Variants in PPP1R3B observed in about 807,000 individuals in gnomAD.
The protein encoded by PPP1R3B is PP1 subunit R4.
Under a neutral mutation model 14.6 loss-of-function variants are expected in PPP1R3B, and 8 were observed. The observed-to-expected ratio is 0.55, with a 90% CI of 0.32 to 0.99. The LOEUF is 0.99. Among genes scored for constraint, PPP1R3B ranks in the 50% least tolerant of loss-of-function variants. The probability of loss-of-function intolerance (pLI) is 0.04; values close to 1 mark genes in which losing one functional copy is unlikely to be tolerated. For synonymous variants in PPP1R3B, 169 were observed against 142.0 expected (o/e 1.19, Z -1.35); for missense variants, 452 against 360.1 (o/e 1.26, Z -2.07).
In PPP1R3B at chr8:9,137,009, T is replaced by C. The variant is rs1800910908; in HGVS notation, c.*3785A>G. 1.3e-5 allele frequency: 2 copies of C among 152,128 alleles called. No homozygotes were observed. The highest frequency in any genetic ancestry group is 4.1e-4 in the South Asian group (2 of 4,830). 9.4% of individuals were successfully genotyped at this position (152,128 alleles called of 1,614,324 possible). On this transcript the variant is annotated 3_prime_UTR_variant, in exon 2 of 2. Coordinates refer to ENST00000310455, the MANE Select transcript of PPP1R3B (RefSeq NM_024607.4). ...TGAAAAGATCAAAACCACAGAGCAA[T>C]CTCCTAACAGTTCCAAATTTACATC...
rs1321590169 is a variant in PPP1R3B at position 9,136,263 on chromosome 8, T to G, written c.*4531A>C. 3 of 152,264 alleles carry G rather than the reference T, an allele frequency of 2.0e-5. No individual in the cohort carries two copies. Among genetic ancestry groups the G allele is most frequent in the Non-Finnish European group, 4.4e-5 (3 of 68,044 alleles). 9.4% of individuals were successfully genotyped at this position (152,264 alleles called of 1,614,324 possible). On this transcript the variant is annotated 3_prime_UTR_variant, in exon 2 of 2. Coordinates refer to ENST00000310455, the MANE Select transcript of PPP1R3B (RefSeq NM_024607.4). Reference sequence around the variant, plus strand: ...TAGAAGGACACTTTCAGTTTTGTTTTGTCTTCCTTTATTACATTTTTGCTT... The same window carrying G: ...TAGAAGGACACTTTCAGTTTTGTTTGGTCTTCCTTTATTACATTTTTGCTT...
rs1482514765 is a variant in PPP1R3B, at chr8:9,141,555, G to T, written c.97C>A (p.Pro33Thr). 3 of 1,614,044 alleles carry T rather than the reference G, an allele frequency of 1.9e-6. No individual in the cohort carries two copies. In the Admixed American group the frequency reaches 5.0e-5, roughly 27 times the overall value. Residue 33 changes from proline to threonine, a missense_variant, in exon 2 of 2, where the codon CCA becomes ACA. Physicochemically the swap from Pro to Thr is conservative, Grantham distance 38. Transcript: ENST00000310455. ...CTCAGCTGAATACAAGGCCTCAGTGGTTTGCTGGGCTTTGGTGAGATCTTA... is the reference window on the plus strand; with the variant it reads ...CTCAGCTGAATACAAGGCCTCAGTGTTTTGCTGGGCTTTGGTGAGATCTTA... ...AFKISPKPSKPLRPCIQLSSK... is the reference protein window; with the variant it reads ...AFKISPKPSKTLRPCIQLSSK...
chr8:9,151,275 G>A (rs1222155616), upstream of PPP1R3B: 4 of 153,126 alleles, frequency 2.6e-5, no homozygotes, highest in Admixed American at 2.6e-4. Context: ...ACCCAAAGAG[G>A]TCCCCGCTGC....
At chr8:9,141,723 A>G in intron 1 of PPP1R3B, 55 bp from the exon 2 acceptor site, 1 of 1,517,072 alleles carries the variant, frequency 6.6e-7, no homozygotes, top group Non-Finnish European at 8.9e-7. Context: ...ATCAGATCAG[A>G]CAGATGTGTA....
At chr8:9,148,072 A>G (rs1428321354) in intron 1 of PPP1R3B, among the ~76,000 whole-genome samples, 1 of 152,172 alleles carries the variant, frequency 6.6e-6, no homozygotes, top group Admixed American at 6.5e-5. Flanking sequence ...TCATTCTCCA[A>G]GAATCAGCAC....
intron 1 of PPP1R3B, among the ~76,000 whole-genome samples, chr8:9,147,501 C>T (rs1277219303): frequency 2.6e-5 from 4 of 152,040 alleles, no homozygotes; most frequent in East Asian, 1.9e-4. Flanking sequence ...CAGCCTCCTA[C>T]GTGCTTTTTC....
At chr8:9,142,389 C>A (rs1346451735) in intron 1 of PPP1R3B, 1 of 152,200 alleles carries the variant, frequency 6.6e-6, no homozygotes, top group Admixed American at 6.5e-5. Flanking sequence ...AGCCTCTCTG[C>A]CTCTCTTTAT....
Position 9,140,663 on chromosome 8 carries a change from C to A in PPP1R3B, c.*131G>T. The A allele has an allele frequency of 1.1e-6, 1 of 878,228 alleles. No homozygotes were observed. Among genetic ancestry groups the A allele is most frequent in the Non-Finnish European group, 1.7e-6 (1 of 582,160 alleles). 54.4% of individuals were successfully genotyped at this position (878,228 alleles called of 1,614,324 possible). On this transcript the variant is annotated 3_prime_UTR_variant, in exon 2 of 2. Coordinates refer to ENST00000310455, the MANE Select transcript of PPP1R3B (RefSeq NM_024607.4). ...TGTTTAAGAAAGAAGTGAAGAGGAT[C>A]CTTTTATTTTCCCAAACGGGGCCTC...
At chr8:9,143,728 CCAG>C (rs1801157092) in intron 1 of PPP1R3B, among the ~76,000 whole-genome samples, 1 of 151,998 alleles carries the variant, frequency 6.6e-6, no homozygotes, top group Non-Finnish European at 1.5e-5. Flanking sequence ...ATAAAAACAA[CCAG>C]CAATTTCGTA....
chr8:9,146,836 G>A (rs986707458), intron 1 of PPP1R3B, among the ~76,000 whole-genome samples: 5 of 151,954 alleles, frequency 3.3e-5, no homozygotes, highest in Non-Finnish European at 5.9e-5. Flanking sequence ...AGGTTCCACG[G>A]ATTGACTAAC....
At chr8:9,150,752 C>A (rs1801401410), upstream of PPP1R3B, 1 of 152,396 alleles carries the variant, frequency 6.6e-6, no homozygotes, top group South Asian at 2.1e-4. Context: ...CCGGGCGGGG[C>A]CGGCAAAGGG....
chr8:9,144,193 T>C (rs572662331), intron 1 of PPP1R3B, among the ~76,000 whole-genome samples: 7 of 150,966 alleles, frequency 4.6e-5, no homozygotes, highest in African/African-American at 1.7e-4. Context: ...TTCTTTTTTT[T>C]TTTTTTTTGT....
upstream of PPP1R3B, chr8:9,150,690 A>C (rs1456739999): frequency 1.3e-5 from 2 of 152,354 alleles, no homozygotes; most frequent in African/African-American, 4.8e-5. Flanking sequence ...GGGTTCCCGG[A>C]GATGTCGGCG....
chr8:9,142,693 A>T (rs1801125502), intron 1 of PPP1R3B, among the ~76,000 whole-genome samples: 1 of 152,076 alleles, frequency 6.6e-6, no homozygotes, highest in Non-Finnish European at 1.5e-5. Flanking sequence ...ACTTTCTGGT[A>T]GCCACCCCTG....
chr8:9,145,733 T>G (rs1399926656), intron 1 of PPP1R3B, among the ~76,000 whole-genome samples: 1 of 152,178 alleles, frequency 6.6e-6, no homozygotes, highest in East Asian at 1.9e-4. Context: ...TTTCAGGAAT[T>G]TCTGGTATCC....
chr8:9,148,960 G>T (rs1227955158), intron 1 of PPP1R3B, among the ~76,000 whole-genome samples: 2 of 151,844 alleles, frequency 1.3e-5, no homozygotes, highest in Non-Finnish European at 2.9e-5. Context: ...GGCCGAGGCG[G>T]GCGGATCACG....
chr8:9,143,048 A>G (rs966702599), intron 1 of PPP1R3B, among the ~76,000 whole-genome samples: 14 of 152,166 alleles, frequency 9.2e-5, no homozygotes, highest in African/African-American at 2.9e-4. Flanking sequence ...CGGGTCATAT[A>G]GTAGTTCTAG....
chr8:9,137,954 A>G lies in PPP1R3B; in HGVS notation c.*2840T>C, dbSNP rs1199796015. On this transcript the variant is annotated 3_prime_UTR_variant, in exon 2 of 2. Transcript: ENST00000310455. ...AAGAGATAGTTATCACTGAATTACC[A>G]TATTTCAAATTTTGACATGGGAATG... The G allele has an allele frequency of 6.6e-6, 1 of 152,122 alleles. No homozygotes were observed. Among genetic ancestry groups the G allele is most frequent in the Non-Finnish European group, 1.5e-5 (1 of 68,018 alleles). 9.4% of individuals were successfully genotyped at this position (152,122 alleles called of 1,614,324 possible).
intron 1 of PPP1R3B, among the ~76,000 whole-genome samples, chr8:9,148,384 AG>A (rs1006631883): frequency 2.6e-5 from 4 of 152,090 alleles, no homozygotes; most frequent in Non-Finnish European, 4.4e-5. Flanking sequence ...AAGTTGGCCA[AG>A]GGGGAAAAAA....
Sources: gnomAD v4.1 joint callset for allele counts (sites outside exome capture counted in the v4.1 genomes callset) on GRCh38, gnomAD v4.1.1 for gene constraint, MANE v1.5 for transcripts, NCBI Gene and HGNC (gene_info 2026-07-23, HGNC 2026-07-21) for gene names.